The following FANCC variants were observed in gnomAD, a reference collection of about 807,000 sequenced individuals.
The protein encoded by FANCC is Fanconi anemia group C protein.
In FANCC, 55 loss-of-function variants were observed where a neutral mutation model predicts 71.3. That is an observed-to-expected ratio of 0.77 (90% CI 0.62 to 0.97). FANCC has a LOEUF of 0.97. Among genes scored for constraint, FANCC ranks in the 50% least tolerant of loss-of-function variants. The pLI is 0.00. For missense variants in FANCC, 678 were observed against 670.9 expected (o/e 1.01, Z -0.12); for synonymous variants, 275 against 244.9 (o/e 1.12, Z -1.15).
rs116824053 is a variant in FANCC at position 95,104,126 on chromosome 9, G to T, written c.1534-2276C>A. Among the ~76,000 whole-genome samples the T allele has an allele frequency of 9.7e-3, 1,472 of 152,340 alleles. 30 individuals carry two copies. Among genetic ancestry groups the T allele is most frequent in the African/African-American group, 0.033 (1,390 of 41,578 alleles). On this transcript the variant is annotated intron_variant, in intron 14 of 14. Coordinates refer to ENST00000289081, the MANE Select transcript of FANCC (RefSeq NM_000136.3). ...GGCTCTTTCCAAGGTGCTGTCGGCA[G>T]AGGAACTGACAAAGGCCAGGAGAGG... is the stretch of plus-strand genomic sequence containing the variant.
Position 95,229,074 on chromosome 9 carries a change from G to T in FANCC, c.345+11575C>A, listed in dbSNP as rs542470058. Among the ~76,000 whole-genome samples, 131 of 152,232 alleles carry T rather than the reference G, an allele frequency of 8.6e-4. 1 individual carries two copies. Among genetic ancestry groups the T allele is most frequent in the Admixed American group, 1.4e-3 (22 of 15,286 alleles). The stretch of plus-strand genomic sequence containing the variant: ...ACACTTTGGAAGGCCAAGGCAGGTG[G>T]ATCACCTGAGGTCAGGAGTTCAAGA... On this transcript the variant is annotated intron_variant, in intron 4 of 14. Transcript: ENST00000289081.
At chr9:95,268,706 G>T (rs1832541871) in intron 1 of FANCC, among the ~76,000 whole-genome samples, 1 of 151,936 alleles carries the variant, frequency 6.6e-6, no homozygotes, top group Non-Finnish European at 1.5e-5. Context: ...TCTTTAAAAG[G>T]TTAGAAAACC....
Position 95,110,331 on chromosome 9 carries a change from T to C in FANCC, c.1329+1132A>G, listed in dbSNP as rs957617145. ...AACACATATCTACCAACTTAGCTTA[T>C]TCAGAATCAAATAAGACAGAATATA... On this transcript the variant is annotated intron_variant, in intron 13 of 14. Coordinates refer to ENST00000289081, the MANE Select transcript of FANCC (RefSeq NM_000136.3). 3 of 1,017,312 alleles carry C rather than the reference T, an allele frequency of 2.9e-6. No homozygotes were observed. In the African/African-American group the frequency reaches 5.1e-5, roughly 17 times the overall value. The allele number at this position is 1,017,312 out of a possible 1,614,324, so 63.0% of individuals were successfully genotyped here. A position where few individuals can be genotyped will look rare whatever the true frequency, so the allele number is the denominator to read the frequency against.
At chr9:95,237,855 A>C (rs1170778967) in intron 4 of FANCC, among the ~76,000 whole-genome samples, 1 of 152,268 alleles carries the variant, frequency 6.6e-6, no homozygotes, top group Non-Finnish European at 1.5e-5. Context: ...AATAATCTCA[A>C]TAACTTTAAT....
intron 4 of FANCC, among the ~76,000 whole-genome samples, chr9:95,179,225 T>C (rs1826193155): frequency 6.6e-6 from 1 of 152,196 alleles, no homozygotes; most frequent in Non-Finnish European, 1.5e-5. Flanking sequence ...ACCTTGTAGT[T>C]AGCATGTGCT....
At chr9:95,128,307 T>C (rs1330499711) in intron 8 of FANCC, among the ~76,000 whole-genome samples, 2 of 152,260 alleles carry the variant, frequency 1.3e-5, no homozygotes, top group Admixed American at 6.5e-5. Flanking sequence ...TCAAAGTTTG[T>C]ACAACAACAT....
At chr9:95,102,912 C>T (rs1031490851) in intron 14 of FANCC, among the ~76,000 whole-genome samples, 4 of 152,192 alleles carry the variant, frequency 2.6e-5, no homozygotes, top group Admixed American at 6.5e-5. Flanking sequence ...CGGCCTGCAA[C>T]GAGCCCGCCA....
intron 4 of FANCC, among the ~76,000 whole-genome samples, chr9:95,239,306 T>C (rs1393166294): frequency 6.6e-6 from 1 of 152,186 alleles, no homozygotes; most frequent in Non-Finnish European, 1.5e-5. Flanking sequence ...TTAAGTGTTT[T>C]AACTCCCTGA....
chr9:95,126,571 G>C lies in FANCC; in HGVS notation c.854C>G (p.Ala285Gly). 1 of 1,614,008 alleles carries C rather than the reference G, an allele frequency of 6.2e-7. No homozygotes were observed. Among genetic ancestry groups the C allele is most frequent in the South Asian group, 1.1e-5 (1 of 91,080 alleles). Residue 285 changes from alanine (A) to glycine (G), a missense_variant, in exon 9 of 15, where the codon GCC becomes GGC. Ala to Gly is a moderately conservative substitution (Grantham distance 60). Transcript: ENST00000289081. ...AACCCGGAATATGGCAGGGTGGCAG[G>C]CTGCTTGAGGCTGTAAAAGGAGAAG... is the stretch of plus-strand genomic sequence containing the variant. Reference protein sequence around the residue: ...FIKDSSLPQAACHPAIFRVVD... With the variant: ...FIKDSSLPQAGCHPAIFRVVD...
At chr9:95,118,764 CAGA>C (rs1349550305) in intron 10 of FANCC, among the ~76,000 whole-genome samples, 1 of 152,204 alleles carries the variant, frequency 6.6e-6, no homozygotes, top group Non-Finnish European at 1.5e-5. Flanking sequence ...TTTTATTGCT[CAGA>C]AGTAGTCTGA....
chr9:95,152,447 G>A (rs1830229254), intron 6 of FANCC, among the ~76,000 whole-genome samples: 1 of 152,172 alleles, frequency 6.6e-6, no homozygotes, highest in Non-Finnish European at 1.5e-5. Flanking sequence ...CAGATGAAAA[G>A]CAAAAGCAAA....
intron 1 of FANCC, among the ~76,000 whole-genome samples, chr9:95,288,482 T>C (rs1050720990): frequency 6.6e-6 from 1 of 152,240 alleles, no homozygotes; most frequent in African/African-American, 2.4e-5. Flanking sequence ...CAAATTCTAT[T>C]GACAAGCCAT....
chr9:95,137,029 T>C (rs1470584594), intron 7 of FANCC, among the ~76,000 whole-genome samples: 1 of 152,094 alleles, frequency 6.6e-6, no homozygotes, highest in African/African-American at 2.4e-5. Context: ...TTGATGTCTA[T>C]TCATTAATCT....
intron 1 of FANCC, among the ~76,000 whole-genome samples, chr9:95,284,854 T>C (rs1412477606): frequency 3.0e-5 from 4 of 131,634 alleles, no homozygotes; most frequent in Admixed American, 2.4e-4. Flanking sequence ...CTAAGACTCC[T>C]CTCTCTCACA....
At chr9:95,157,535 G>A (rs1249976729) in intron 6 of FANCC, among the ~76,000 whole-genome samples, 1 of 152,208 alleles carries the variant, frequency 6.6e-6, no homozygotes, top group Non-Finnish European at 1.5e-5. Context: ...CAACCACACA[G>A]AAAGGATGTT....
At chr9:95,163,646 T>TC (rs1830884613) in intron 6 of FANCC, among the ~76,000 whole-genome samples, 1 of 152,168 alleles carries the variant, frequency 6.6e-6, no homozygotes, top group Non-Finnish European at 1.5e-5. Flanking sequence ...GGTCAGGAGT[T>TC]CGAGACCAGC....
intron 4 of FANCC, among the ~76,000 whole-genome samples, chr9:95,196,605 C>T (rs1195701778): frequency 6.6e-6 from 1 of 152,178 alleles, no homozygotes; most frequent in Non-Finnish European, 1.5e-5. Context: ...ATAATATTGT[C>T]GTCCTCCAAA....
At chr9:95,141,765 T>C (rs1054064292) in intron 7 of FANCC, among the ~76,000 whole-genome samples, 1 of 152,078 alleles carries the variant, frequency 6.6e-6, no homozygotes, top group South Asian at 2.1e-4. Flanking sequence ...AAGCATAAAT[T>C]AGGTTCTTCT....
intron 4 of FANCC, among the ~76,000 whole-genome samples, chr9:95,205,678 C>T (rs1828079673): frequency 6.6e-6 from 1 of 151,824 alleles, no homozygotes; most frequent in South Asian, 2.1e-4. Flanking sequence ...AAGAGCTTTA[C>T]TAAACTCCAT....
Sources: gnomAD v4.1 joint callset for allele counts (sites outside exome capture counted in the v4.1 genomes callset) on GRCh38, gnomAD v4.1.1 for gene constraint, MANE v1.5 for transcripts, NCBI Gene and HGNC (gene_info 2026-07-23, HGNC 2026-07-21) for gene names.